The following CCDC169 variants were observed in gnomAD, a reference collection of about 807,000 sequenced individuals.
The protein encoded by CCDC169 is coiled-coil domain containing 169, also known as coiled-coil domain-containing protein 169.
In CCDC169, 30 loss-of-function variants were observed where a neutral mutation model predicts 36.0. The ratio of observed to expected loss-of-function variants is 0.83; its 90% CI spans 0.62 to 1.13. The LOEUF (loss-of-function observed/expected upper bound fraction) is 1.13. Among genes scored for constraint, CCDC169 ranks in the 50% most tolerant of loss-of-function variants. CCDC169 has a pLI of 0.00. For synonymous variants in CCDC169, 85 were observed against 81.5 expected (o/e 1.04, Z -0.23); for missense variants, 245 against 245.9 (o/e 1.00, Z 0.03).
intron 7 of CCDC169, among the ~76,000 whole-genome samples, chr13:36,238,259 T>C (rs970170129): frequency 4.6e-5 from 7 of 152,132 alleles, no homozygotes; most frequent in Non-Finnish European, 7.4e-5. Context: ...TTGTACACTT[T>C]ATTATTTTTA....
intron 4 of CCDC169, among the ~76,000 whole-genome samples, chr13:36,257,264 A>G (rs923372868): frequency 2.0e-5 from 3 of 152,192 alleles, no homozygotes; most frequent in African/African-American, 7.2e-5. Context: ...GCCCTACAGC[A>G]CAGCTAGAAG....
intron 1 of CCDC169, among the ~76,000 whole-genome samples, chr13:36,296,137 G>A (rs999109237): frequency 1.3e-5 from 2 of 152,134 alleles, no homozygotes; most frequent in Non-Finnish European, 2.9e-5. Flanking sequence ...TGTCGCCCAG[G>A]CTGGAGTGCA....
At chr13:36,266,849 C>T (rs965689989) in intron 4 of CCDC169, among the ~76,000 whole-genome samples, 1 of 152,196 alleles carries the variant, frequency 6.6e-6, no homozygotes, top group Non-Finnish European at 1.5e-5. Context: ...ACCTACCAAT[C>T]AGAACAGATC....
At chr13:36,268,119 G>A (rs559902086) in intron 4 of CCDC169, among the ~76,000 whole-genome samples, 26 of 152,192 alleles carry the variant, frequency 1.7e-4, no homozygotes, top group African/African-American at 6.0e-4. Context: ...CAGAACAAAT[G>A]CACTTAACAG....
intron 7 of CCDC169, 125 bp downstream of exon 7, chr13:36,248,481 C>A: frequency 1.3e-6 from 1 of 799,600 alleles, no homozygotes; most frequent in South Asian, 2.1e-5. Flanking sequence ...TTACCATATG[C>A]AATTTTATAT....
intron 2 of CCDC169, among the ~76,000 whole-genome samples, chr13:36,285,650 G>GATAC (rs1403104058): frequency 5.3e-5 from 8 of 152,150 alleles, no homozygotes; most frequent in South Asian, 2.1e-4. Context: ...TAGATACATA[G>GATAC]ATAGATAGAC....
intron 2 of CCDC169, 72 bp downstream of exon 2, chr13:36,295,706 G>C (rs9566063): frequency 0.27 from 202,799 of 748,664 alleles, 29,154 homozygotes; most frequent in East Asian, 0.47. Context: ...GGAATTTAAT[G>C]CACCATAGAT....
intron 2 of CCDC169, among the ~76,000 whole-genome samples, chr13:36,289,071 GTCTT>G (rs1452775813): frequency 2.6e-5 from 4 of 152,064 alleles, no homozygotes; most frequent in Non-Finnish European, 4.4e-5. Context: ...ATTTTTAATA[GTCTT>G]TCTAAGATTG....
rs1163571625 is a variant in CCDC169, at chr13:36,297,774, A to T, written c.-55T>A. The T allele has an allele frequency of 1.3e-6, 2 of 1,488,774 alleles. No homozygotes were observed. The highest frequency in any genetic ancestry group is 2.0e-5 in the Admixed American group (1 of 50,910). The allele number at this position is 1,488,774 out of a possible 1,614,324, so 92.2% of individuals were successfully genotyped here. A position where few individuals can be genotyped will look rare whatever the true frequency, so the allele number is the denominator to read the frequency against. ...TCCCCTCAGCACCTTAGAGCACAAG[A>T]CATTAAGGGCCACCCAGAAGCCAGT... On this transcript the variant is annotated 5_prime_UTR_variant, in exon 1 of 8. Transcript: ENST00000239859.
At chr13:36,224,250 T>G (rs1328627), downstream of CCDC169, 60,980 of 151,802 alleles carry the variant, frequency 0.4, 13,103 homozygotes, top group Non-Finnish European at 0.48. Context: ...ATAGCTATTT[T>G]CTATTCAACA....
intron 7 of CCDC169, among the ~76,000 whole-genome samples, chr13:36,234,790 T>G (rs1475236945): frequency 6.6e-6 from 1 of 152,100 alleles, no homozygotes; most frequent in African/African-American, 2.4e-5. Context: ...ACAGAAGGAA[T>G]TAATCATCAG....
chr13:36,264,401 A>ATTTT (rs1875005143), intron 4 of CCDC169, among the ~76,000 whole-genome samples: 2 of 152,124 alleles, frequency 1.3e-5, no homozygotes, highest in Admixed American at 1.3e-4. Flanking sequence ...AGAGTGATAC[A>ATTTT]GCTGAAGCAA....
intron 2 of CCDC169, among the ~76,000 whole-genome samples, chr13:36,292,359 A>AT (rs937335126): frequency 6.6e-6 from 1 of 152,042 alleles, no homozygotes; most frequent in South Asian, 2.1e-4. Flanking sequence ...TGAGGTTTCA[A>AT]TTTTTTTAAA....
intron 4 of CCDC169, among the ~76,000 whole-genome samples, chr13:36,277,234 G>C (rs1309542869): frequency 6.6e-6 from 1 of 152,070 alleles, no homozygotes; most frequent in Non-Finnish European, 1.5e-5. Flanking sequence ...AACACCCCAT[G>C]TTCTCACTTA....
At chr13:36,240,950 T>C (rs1367632873) in intron 7 of CCDC169, among the ~76,000 whole-genome samples, 3 of 152,096 alleles carry the variant, frequency 2.0e-5, no homozygotes, top group Non-Finnish European at 2.9e-5. Flanking sequence ...ATCTCTAGAA[T>C]ACATCCTTCA....
rs188562616 is a variant in CCDC169, at chr13:36,239,113, C to T, written c.546-7821G>A. On this transcript the variant is annotated intron_variant, in intron 7 of 7. Coordinates refer to ENST00000239859, the MANE Select transcript of CCDC169 (RefSeq NM_001144981.3). ...ATGAGCTGGACATGGTGGCTCATGC[C>T]TATAGTCCTAGCTACTCAGGAGGCT... Among the ~76,000 whole-genome samples, 6 of 152,050 alleles carry T rather than the reference C, an allele frequency of 3.9e-5. No homozygotes were observed. In the East Asian group the frequency reaches 1.2e-3, roughly 29 times the overall value.
chr13:36,228,406 A>T (rs903693014), downstream of CCDC169, among the ~76,000 whole-genome samples: 2 of 152,072 alleles, frequency 1.3e-5, no homozygotes, highest in Non-Finnish European at 2.9e-5. Context: ...AGATATCTTA[A>T]ATTTTTTAAT....
intron 7 of CCDC169, among the ~76,000 whole-genome samples, chr13:36,232,199 A>T (rs1353828727): frequency 1.3e-5 from 2 of 152,182 alleles, no homozygotes; most frequent in Admixed American, 1.3e-4. Context: ...ACAGCGCACA[A>T]TTGCAGTGAA....
intron 4 of CCDC169, among the ~76,000 whole-genome samples, chr13:36,258,554 G>A (rs1256311020): frequency 6.6e-6 from 1 of 152,122 alleles, no homozygotes; most frequent in Non-Finnish European, 1.5e-5. Flanking sequence ...TAATGTATTA[G>A]CATACTAAAA....
Sources: gnomAD v4.1 joint callset for allele counts (sites outside exome capture counted in the v4.1 genomes callset) on GRCh38, gnomAD v4.1.1 for gene constraint, MANE v1.5 for transcripts, NCBI Gene and HGNC (gene_info 2026-07-23, HGNC 2026-07-21) for gene names.